Variants in NKAIN3 observed in about 807,000 individuals in gnomAD.
NKAIN3 encodes the protein sodium/potassium-transporting ATPase subunit beta-1-interacting protein 3.
In NKAIN3, 25 loss-of-function variants were observed where a neutral mutation model predicts 30.2. The observed-to-expected ratio is 0.83, with a 90% CI of 0.60 to 1.16. The LOEUF is 1.16. Ranked by LOEUF, NKAIN3 falls within the 50% of genes most tolerant of loss-of-function variation. The probability of loss-of-function intolerance (pLI) is 0.00; values close to 1 mark genes in which losing one functional copy is unlikely to be tolerated. For synonymous variants in NKAIN3, 91 were observed against 89.6 expected, an observed-to-expected ratio of 1.02 and a Z score of -0.09; for missense variants, 225 against 254.1, an observed-to-expected ratio of 0.89 and a Z score of 0.78.
chr8:62,347,994 T>G (rs1816057139), intron 1 of NKAIN3, among the ~76,000 whole-genome samples: 1 of 151,604 alleles, frequency 6.6e-6, no homozygotes, highest in South Asian at 2.1e-4. Flanking sequence ...CTTGAAGATA[T>G]TATTTTAGAC....
intron 1 of NKAIN3, among the ~76,000 whole-genome samples, chr8:62,521,269 A>G (rs1202314094): frequency 6.6e-6 from 1 of 152,050 alleles, no homozygotes; most frequent in African/African-American, 2.4e-5. Context: ...GAAAGGCCAC[A>G]CTGCCAGCTG....
intron 4 of NKAIN3, among the ~76,000 whole-genome samples, chr8:62,790,981 A>T (rs1267565179): frequency 6.6e-6 from 1 of 152,036 alleles, no homozygotes; most frequent in African/African-American, 2.4e-5. Context: ...TCTCCGTAGT[A>T]ATTGTATTAT....
rs1421201790 is a variant in NKAIN3 at position 62,967,214 on chromosome 8, T to C, written c.*1807T>C. On this transcript the variant is annotated 3_prime_UTR_variant, in exon 7 of 7. Transcript: ENST00000623646. ...ATTTGGTGAACTTGTCCAGAGCCTG[T>C]ATCTGTACACAGGGGCAAGAGCCAT... Among the ~76,000 whole-genome samples, 1 of 152,218 alleles carries C rather than the reference T, an allele frequency of 6.6e-6. No homozygotes were observed. Among genetic ancestry groups the C allele is most frequent in the African/African-American group, 2.4e-5 (1 of 41,456 alleles).
At chr8:62,685,813 A>G (rs1157712161) in intron 3 of NKAIN3, among the ~76,000 whole-genome samples, 1 of 152,216 alleles carries the variant, frequency 6.6e-6, no homozygotes, top group Non-Finnish European at 1.5e-5. Flanking sequence ...AGTCTTTTGG[A>G]TAAAGTGTTC....
At chr8:62,354,922 G>A (rs921551806) in intron 1 of NKAIN3, among the ~76,000 whole-genome samples, 3 of 152,156 alleles carry the variant, frequency 2.0e-5, no homozygotes, top group African/African-American at 7.2e-5. Flanking sequence ...ATGGGTAGAA[G>A]GCAAGTCGGC....
At chr8:62,938,805 A>G (rs1195980370) in intron 5 of NKAIN3, among the ~76,000 whole-genome samples, 1 of 152,166 alleles carries the variant, frequency 6.6e-6, no homozygotes, top group East Asian at 1.9e-4. Context: ...ATGAGAAGGA[A>G]CCAGAAGAAT....
At chr8:62,769,847 A>C (rs1315062423) in intron 4 of NKAIN3, among the ~76,000 whole-genome samples, 1 of 152,124 alleles carries the variant, frequency 6.6e-6, no homozygotes, top group Non-Finnish European at 1.5e-5. Flanking sequence ...AAAGCTTCCT[A>C]ATTTATGACT....
At chr8:62,273,944 A>G (rs184056057) in intron 1 of NKAIN3, among the ~76,000 whole-genome samples, 224 of 152,192 alleles carry the variant, frequency 1.5e-3, no homozygotes, top group Non-Finnish European at 2.0e-3. Flanking sequence ...CCAGGTGCTG[A>G]CCTCCACCAG....
chr8:62,785,350 A>G (rs1366872039), intron 4 of NKAIN3, among the ~76,000 whole-genome samples: 1 of 152,204 alleles, frequency 6.6e-6, no homozygotes, highest in Non-Finnish European at 1.5e-5. Context: ...GATACCATTT[A>G]TATGTAATGC....
At chr8:62,831,529 TAATC>T (rs943348019) in intron 4 of NKAIN3, among the ~76,000 whole-genome samples, 4 of 152,212 alleles carry the variant, frequency 2.6e-5, no homozygotes, top group Admixed American at 2.0e-4. Flanking sequence ...AGCTTTAAAA[TAATC>T]AATCAGAGCT....
chr8:62,931,531 A>G (rs1235731521), intron 5 of NKAIN3, among the ~76,000 whole-genome samples: 2 of 152,230 alleles, frequency 1.3e-5, no homozygotes, highest in African/African-American at 4.8e-5. Context: ...TGTGTTAGAA[A>G]TACACTTCTC....
At chr8:62,991,262 A>T (rs1824314600) in intron 5 of NKAIN3, among the ~76,000 whole-genome samples, 1 of 152,212 alleles carries the variant, frequency 6.6e-6, no homozygotes, top group Admixed American at 6.5e-5. Context: ...CTAGGAAACC[A>T]TGAGAGGGTG....
At chr8:62,606,108 C>T (rs1811118322) in intron 3 of NKAIN3, among the ~76,000 whole-genome samples, 1 of 152,050 alleles carries the variant, frequency 6.6e-6, no homozygotes, top group Non-Finnish European at 1.5e-5. Flanking sequence ...TGCGTCGATC[C>T]ACCATCTCCA....
intron 3 of NKAIN3, among the ~76,000 whole-genome samples, chr8:62,677,299 C>T (rs936778381): frequency 2.0e-5 from 3 of 152,182 alleles, no homozygotes; most frequent in Non-Finnish European, 4.4e-5. Flanking sequence ...ATACCTTGTG[C>T]CATCCTCGGT....
rs553129868 is a variant in NKAIN3 at position 62,559,987 on chromosome 8, T to G, written c.55-19552T>G. 3.9e-5 allele frequency among the ~76,000 whole-genome samples: 6 copies of G among 152,270 alleles called. No homozygotes were observed. In the East Asian group the frequency reaches 1.2e-3, roughly 29 times the overall value. ...TGTCAAGAACAAGTTTTTCTTTATC[T>G]GAGACTGTCCTGATTTCTACTCATT... On this transcript the variant is annotated intron_variant, in intron 1 of 6. Coordinates refer to ENST00000623646, the MANE Select transcript of NKAIN3 (RefSeq NM_001304533.3).
rs532493547 is a variant in NKAIN3 at position 62,945,599 on chromosome 8, TA to T, written c.533-8302del. ...AGAGAAGCAAGGTCCAGAATGGCCA[TA>T]CTTTTTCAAAGGCACATAAATTTTG... On this transcript the variant is annotated intron_variant, in intron 5 of 6. Coordinates refer to ENST00000623646, the MANE Select transcript of NKAIN3 (RefSeq NM_001304533.3). Among the ~76,000 whole-genome samples the T allele has an allele frequency of 1.0e-3, 158 of 152,314 alleles. 2 individuals carry two copies. Among genetic ancestry groups the T allele is most frequent in the Middle Eastern group, 3.4e-3 (1 of 294 alleles).
At chr8:62,772,955 G>T (rs774908586) in intron 4 of NKAIN3, among the ~76,000 whole-genome samples, 11 of 151,998 alleles carry the variant, frequency 7.2e-5, no homozygotes, top group Non-Finnish European at 1.5e-4. Flanking sequence ...AACCACGCCC[G>T]GCTCTTTTGC....
At chr8:62,763,580 A>G (rs1399817759) in intron 4 of NKAIN3, among the ~76,000 whole-genome samples, 1 of 152,232 alleles carries the variant, frequency 6.6e-6, no homozygotes, top group Admixed American at 6.5e-5. Context: ...TCCTGCAGAC[A>G]ATGAAACGTG....
Position 62,981,059 on chromosome 8 carries a change from T to C in NKAIN3, c.*15652T>C, listed in dbSNP as rs1316703520. 1.3e-5 allele frequency: 2 copies of C among 152,198 alleles called. No homozygotes were observed. Among genetic ancestry groups the C allele is most frequent in the Non-Finnish European group, 2.9e-5 (2 of 68,040 alleles). 9.4% of individuals were successfully genotyped at this position (152,198 alleles called of 1,614,324 possible). A position where few individuals can be genotyped will look rare whatever the true frequency, so the allele number is the denominator to read the frequency against. ...ATTGCATTGGTCCTGTTAATCTTTG[T>C]CAAAAAGGAAGTTTGGGCGGCAGTT... is the stretch of plus-strand genomic sequence containing the variant. On this transcript the variant is annotated 3_prime_UTR_variant, in exon 7 of 7. Transcript: ENST00000623646.
Sources: allele counts gnomAD v4.1 joint callset (sites outside exome capture counted in the v4.1 genomes callset), GRCh38; gene constraint gnomAD v4.1.1; transcripts MANE v1.5; gene names NCBI Gene and HGNC (gene_info 2026-07-23, HGNC 2026-07-21).